Variants in CNBD1 observed in about 807,000 individuals in gnomAD.
CNBD1 encodes cyclic nucleotide binding domain containing 1.
A neutral mutation model predicts 54.4 loss-of-function variants in CNBD1; 71 were observed. The ratio of observed to expected loss-of-function variants is 1.30; its 90% CI spans 1.08 to 1.59. CNBD1 has a LOEUF of 1.59. Among genes scored for constraint, CNBD1 ranks in the 40% most tolerant of loss-of-function variants. The probability of loss-of-function intolerance (pLI) is 0.00; values close to 1 mark genes in which losing one functional copy is unlikely to be tolerated. For missense variants in CNBD1, 659 were observed against 518.0 expected (o/e 1.27, Z -2.64); for synonymous variants, 182 against 170.7 (o/e 1.07, Z -0.51).
At chr8:87,341,321 C>A (rs2100115183) in intron 8 of CNBD1, among the ~76,000 whole-genome samples, 1 of 152,036 alleles carries the variant, frequency 6.6e-6, no homozygotes, top group African/African-American at 2.4e-5. Context: ...AGAGATGAGA[C>A]AATGTCTGTT....
At chr8:86,987,720 G>T (rs1808639561) in intron 4 of CNBD1, among the ~76,000 whole-genome samples, 2 of 152,044 alleles carry the variant, frequency 1.3e-5, no homozygotes, top group African/African-American at 2.4e-5. Context: ...ATGGAGAATT[G>T]GATTTTATCC....
chr8:87,318,714 G>T (rs1038829888), intron 8 of CNBD1, among the ~76,000 whole-genome samples: 4 of 151,828 alleles, frequency 2.6e-5, no homozygotes, highest in Non-Finnish European at 5.9e-5. Context: ...ATGGGGAGGG[G>T]GGGCATTGGA....
intron 2 of CNBD1, among the ~76,000 whole-genome samples, chr8:87,394,588 C>T (rs1268941456): frequency 2.6e-5 from 4 of 151,882 alleles, no homozygotes; most frequent in African/African-American, 9.7e-5. Flanking sequence ...ACTGTATAGT[C>T]AATGCCATGG....
chr8:87,357,962 T>C (rs1810454422), intron 10 of CNBD1, among the ~76,000 whole-genome samples: 1 of 152,180 alleles, frequency 6.6e-6, no homozygotes, highest in South Asian at 2.1e-4. Context: ...TGAGTTCACA[T>C]GAGAGCTGGT....
intron 6 of CNBD1, among the ~76,000 whole-genome samples, chr8:87,279,242 G>A (rs572770766): frequency 1.3e-5 from 2 of 151,242 alleles, no homozygotes; most frequent in Non-Finnish European, 3.0e-5. Context: ...GGATGCATTG[G>A]TAATAACTAG....
chr8:86,974,418 A>G (rs543755692), intron 4 of CNBD1, among the ~76,000 whole-genome samples: 29 of 152,208 alleles, frequency 1.9e-4, no homozygotes, highest in African/African-American at 7.0e-4. Context: ...CTATGTATGT[A>G]GTTGCATATG....
At chr8:87,254,485 A>T (rs1012448620) in intron 6 of CNBD1, among the ~76,000 whole-genome samples, 2 of 152,208 alleles carry the variant, frequency 1.3e-5, no homozygotes, top group South Asian at 4.1e-4. Context: ...GGCCCAACAC[A>T]TCCAAGTGGT....
chr8:87,369,473 T>A (rs1810714743), intron 10 of CNBD1, among the ~76,000 whole-genome samples: 1 of 152,104 alleles, frequency 6.6e-6, no homozygotes, highest in South Asian at 2.1e-4. Flanking sequence ...GAAGATCTTA[T>A]TTCTCATACA....
chr8:87,139,572 A>C (rs1419133518), intron 4 of CNBD1, among the ~76,000 whole-genome samples: 1 of 152,180 alleles, frequency 6.6e-6, no homozygotes, highest in Non-Finnish European at 1.5e-5. Flanking sequence ...GGGAACAGCC[A>C]CCTTGACTGC....
chr8:87,106,537 C>G (rs1217120946), intron 4 of CNBD1, among the ~76,000 whole-genome samples: 1 of 152,158 alleles, frequency 6.6e-6, no homozygotes, highest in Non-Finnish European at 1.5e-5. Flanking sequence ...ATAGATAATT[C>G]AGTTACTTTA....
chr8:87,396,029 C>T (rs556079666), intron 2 of CNBD1, among the ~76,000 whole-genome samples: 2 of 152,032 alleles, frequency 1.3e-5, no homozygotes, highest in South Asian at 4.1e-4. Flanking sequence ...AATTAAACCT[C>T]ATTCTTTTAT....
chr8:87,422,881 C>T (rs973369061), intron 2 of CNBD1, among the ~76,000 whole-genome samples: 18 of 152,222 alleles, frequency 1.2e-4, no homozygotes, highest in Middle Eastern at 3.4e-3. Flanking sequence ...GCCATTTTCA[C>T]GATACTGATT....
intron 8 of CNBD1, among the ~76,000 whole-genome samples, chr8:87,338,705 G>C (rs973386106): frequency 1.3e-5 from 2 of 150,932 alleles, no homozygotes; most frequent in African/African-American, 4.9e-5. Flanking sequence ...TGTTTTTGCA[G>C]CTATCTTGTT....
chr8:87,094,591 C>T (rs1811281399), intron 4 of CNBD1, among the ~76,000 whole-genome samples: 1 of 152,004 alleles, frequency 6.6e-6, no homozygotes, highest in Non-Finnish European at 1.5e-5. Flanking sequence ...ACCCATCTTG[C>T]CCTCAGGGAT....
At chr8:87,065,139 T>C (rs960501084) in intron 4 of CNBD1, among the ~76,000 whole-genome samples, 3 of 152,008 alleles carry the variant, frequency 2.0e-5, no homozygotes, top group African/African-American at 7.2e-5. Context: ...TTCTTATAGA[T>C]TTTCTAGTTC....
At chr8:87,369,766 T>G (rs1810726358) in intron 10 of CNBD1, among the ~76,000 whole-genome samples, 1 of 152,050 alleles carries the variant, frequency 6.6e-6, no homozygotes, top group Non-Finnish European at 1.5e-5. Context: ...AGGGTACATG[T>G]GCACAATGTG....
intron 10 of CNBD1, among the ~76,000 whole-genome samples, chr8:87,356,943 G>A (rs113492453): frequency 0.024 from 3,677 of 152,240 alleles, 153 homozygotes; most frequent in African/African-American, 0.081. Context: ...ACCTCAGGAC[G>A]CTGCTCTCAG....
intron 4 of CNBD1, among the ~76,000 whole-genome samples, chr8:87,070,426 C>G (rs767846478): frequency 6.6e-6 from 1 of 151,958 alleles, no homozygotes. Flanking sequence ...CAGATAAGAT[C>G]CTACACATAC....
intron 4 of CNBD1, among the ~76,000 whole-genome samples, chr8:87,052,995 G>A (rs575534175): frequency 2.7e-5 from 4 of 147,960 alleles, no homozygotes; most frequent in Admixed American, 1.4e-4. Flanking sequence ...TGGAATGGCC[G>A]ATGATATAGC....
Sources: gnomAD v4.1 joint callset for allele counts (sites outside exome capture counted in the v4.1 genomes callset) on GRCh38, gnomAD v4.1.1 for gene constraint, MANE v1.5 for transcripts, NCBI Gene and HGNC (gene_info 2026-07-23, HGNC 2026-07-21) for gene names.